SLAMF9: variants seen among roughly 807,000 people sequenced by gnomAD.
SLAMF9 encodes CD2 family member 10.
SLAMF9 carries 25 observed loss-of-function variants against 30.4 expected under a neutral mutation model. The observed-to-expected ratio is 0.82, with a 90% CI of 0.60 to 1.15. The LOEUF is 1.15. Among genes scored for constraint, SLAMF9 ranks in the 50% most tolerant of loss-of-function variants. The pLI is 0.00. For missense variants in SLAMF9, 344 were observed against 346.1 expected (o/e 0.99, Z 0.05); for synonymous variants, 129 against 127.2 (o/e 1.01, Z -0.09).
At chr1:159,951,987 G>T (rs1312849298) in intron 3 of SLAMF9, 121 bp from the exon 4 acceptor site, 5 of 813,406 alleles carry the variant, frequency 6.1e-6, no homozygotes, top group East Asian at 2.6e-5. Flanking sequence ...AAGTCCCCTT[G>T]CAAGTGTCTC....
chr1:159,954,056 G>C, intron 1 of SLAMF9, 36 bp downstream of exon 1: 1 of 1,613,410 alleles, frequency 6.2e-7, no homozygotes, highest in Non-Finnish European at 8.5e-7. Flanking sequence ...GAGGTGTAGG[G>C]GACATTCCTG....
chr1:159,977,950 A>G, the SLAMF9 span, among the ~76,000 whole-genome samples: 1 of 152,210 alleles, frequency 6.6e-6, no homozygotes, highest in Non-Finnish European at 1.5e-5. Context: ...TTAGATAATA[A>G]GGACCTCCTG....
the SLAMF9 span, among the ~76,000 whole-genome samples, chr1:159,968,080 T>G: frequency 1.8e-4 from 28 of 152,356 alleles, no homozygotes; most frequent in Middle Eastern, 3.4e-3. Context: ...ACTATTAAGA[T>G]GGCTTTTATT....
chr1:159,975,066 C>T, the SLAMF9 span, among the ~76,000 whole-genome samples: 2 of 152,170 alleles, frequency 1.3e-5, no homozygotes, highest in East Asian at 3.9e-4. Context: ...ACATAGATAA[C>T]TCCCTGGGAG....
chr1:159,972,582 CTG>C, the SLAMF9 span: 1 of 157,516 alleles, frequency 6.3e-6, no homozygotes, highest in South Asian at 1.9e-4. Context: ...ACTCCTCTCT[CTG>C]GAGATGCTGT....
chr1:159,966,996 A>G, the SLAMF9 span, among the ~76,000 whole-genome samples: 4 of 151,976 alleles, frequency 2.6e-5, no homozygotes, highest in Middle Eastern at 3.4e-3. Flanking sequence ...ATGCAATCCC[A>G]TTTGTTTATT....
At position 159,952,445 on chromosome 1, in the gene SLAMF9, C is replaced by G; in HGVS notation, c.481G>C (p.Ala161Pro). 6.2e-7 allele frequency: 1 copy of G among 1,614,128 alleles called. No individual in the cohort carries two copies. The highest frequency in any genetic ancestry group is 8.5e-7 in the Non-Finnish European group (1 of 1,180,012). ...SMSLVCSVEK[A>P]GMDMTYSWLS... ...CAGCTGTAGGTCATATCCATGCCTG[C>G]CTTCTCCACAGAGCACACCAGGGAC... The change falls in exon 3 of 4, where the codon GCA becomes CCA. Residue 161 changes from alanine to proline, a missense_variant. By Grantham distance (27) the Ala-to-Pro change is conservative. Transcript: ENST00000368093.
chr1:159,976,421 T>C, the SLAMF9 span, among the ~76,000 whole-genome samples: 3 of 152,178 alleles, frequency 2.0e-5, no homozygotes, highest in Non-Finnish European at 4.4e-5. Context: ...CATGCATACA[T>C]ATTCACACAC....
chr1:159,960,189 C>T, the SLAMF9 span, among the ~76,000 whole-genome samples: 1 of 136,680 alleles, frequency 7.3e-6, no homozygotes, highest in Non-Finnish European at 1.6e-5. Flanking sequence ...CAACAGTCCC[C>T]GGTGTGTGAT....
chr1:159,962,536 C>G, the SLAMF9 span, among the ~76,000 whole-genome samples: 1 of 152,062 alleles, frequency 6.6e-6, no homozygotes, highest in African/African-American at 2.4e-5. Flanking sequence ...CACCCCACCC[C>G]ACACACACCC....
At chr1:159,954,378 A>C, upstream of SLAMF9, 1 of 366,442 alleles carries the variant, frequency 2.7e-6, no homozygotes, top group South Asian at 5.8e-5. Context: ...TTACTCACTG[A>C]CTCATGATGC....
the SLAMF9 span, among the ~76,000 whole-genome samples, chr1:159,962,136 G>T: frequency 6.6e-6 from 1 of 151,306 alleles, no homozygotes. Context: ...CCAGCCTGGG[G>T]ACAGAGCAAG....
the SLAMF9 span, among the ~76,000 whole-genome samples, chr1:159,978,117 C>T: frequency 6.6e-6 from 1 of 152,154 alleles, no homozygotes; most frequent in Non-Finnish European, 1.5e-5. Flanking sequence ...AACATTTCTG[C>T]ACTGCATCCT....
the SLAMF9 span, among the ~76,000 whole-genome samples, chr1:159,972,182 G>A: frequency 1.6e-4 from 24 of 152,154 alleles, no homozygotes; most frequent in East Asian, 1.9e-4. Context: ...CTCTCTGTTC[G>A]TGCCCTGTGT....
chr1:159,952,952 C>G (rs1442262236), intron 2 of SLAMF9, among the ~76,000 whole-genome samples: 2 of 152,162 alleles, frequency 1.3e-5, no homozygotes, highest in African/African-American at 4.8e-5. Context: ...AGAAGATACT[C>G]ATTAGTAGCC....
the SLAMF9 span, among the ~76,000 whole-genome samples, chr1:159,960,029 T>TA: frequency 6.6e-6 from 1 of 151,570 alleles, no homozygotes; most frequent in Non-Finnish European, 1.5e-5. Context: ...TATATATATA[T>TA]TATACTTTAA....
the SLAMF9 span, among the ~76,000 whole-genome samples, chr1:159,966,850 A>G: frequency 6.6e-6 from 1 of 151,992 alleles, no homozygotes; most frequent in East Asian, 1.9e-4. Context: ...TTCCTCATAT[A>G]TTTTGGATTT....
chr1:159,952,597 C>A, intron 2 of SLAMF9, 63 bp from the exon 3 acceptor site: 1 of 1,557,498 alleles, frequency 6.4e-7, no homozygotes, highest in Non-Finnish European at 8.7e-7. Context: ...TTTTCCTAAG[C>A]TCCTCAAACC....
At chr1:159,957,287 C>T (rs890244850), upstream of SLAMF9, among the ~76,000 whole-genome samples, 6 of 151,828 alleles carry the variant, frequency 4.0e-5, no homozygotes, top group Admixed American at 3.9e-4. Flanking sequence ...ATCTATCATA[C>T]CATATGGTGA....
Sources: allele counts gnomAD v4.1 joint callset (sites outside exome capture counted in the v4.1 genomes callset), GRCh38; gene constraint gnomAD v4.1.1; transcripts MANE v1.5; gene names NCBI Gene and HGNC (gene_info 2026-07-23, HGNC 2026-07-21).